The following GRK5 variants were observed in gnomAD, a reference collection of about 807,000 sequenced individuals.
The protein encoded by GRK5 is G protein-coupled receptor kinase 5.
Under a neutral mutation model 78.4 loss-of-function variants are expected in GRK5, and 40 were observed. The ratio of observed to expected loss-of-function variants is 0.51; its 90% CI spans 0.40 to 0.66. GRK5 has a LOEUF of 0.66. Ranked by LOEUF, GRK5 falls within the 30% of genes least tolerant of loss-of-function variation. The pLI is 0.00. For missense variants in GRK5, 598 were observed against 759.9 expected (o/e 0.79, Z 2.50); for synonymous variants, 289 against 296.8 (o/e 0.97, Z 0.27).
At chr10:119,331,832 G>T (rs1589749249) in intron 2 of GRK5, among the ~76,000 whole-genome samples, 1 of 152,188 alleles carries the variant, frequency 6.6e-6, no homozygotes, top group Non-Finnish European at 1.5e-5. Flanking sequence ...TCATTCTCCT[G>T]CTGAAACCAA....
At chr10:119,311,838 T>C (rs1156798099) in intron 1 of GRK5, among the ~76,000 whole-genome samples, 1 of 151,638 alleles carries the variant, frequency 6.6e-6, no homozygotes, top group Non-Finnish European at 1.5e-5. Flanking sequence ...GACAGAAATG[T>C]TTTAAATGTT....
intron 2 of GRK5, among the ~76,000 whole-genome samples, chr10:119,366,048 C>G (rs1003346039): frequency 3.3e-5 from 5 of 152,228 alleles, no homozygotes; most frequent in African/African-American, 1.2e-4. Context: ...CCTGACTGCT[C>G]CAAGTCGGGT....
At chr10:119,429,103 C>T (rs1009082039) in intron 6 of GRK5, among the ~76,000 whole-genome samples, 49 of 152,304 alleles carry the variant, frequency 3.2e-4, no homozygotes, top group Admixed American at 1.3e-4. Context: ...TGCAGAAGAG[C>T]GGGATACCCG....
intron 1 of GRK5, among the ~76,000 whole-genome samples, chr10:119,301,219 A>C (rs745976708): frequency 6.6e-6 from 1 of 152,286 alleles, no homozygotes. Flanking sequence ...TCTACACCCC[A>C]GGACCCTCCG....
At chr10:119,295,064 C>T (rs561220089) in intron 1 of GRK5, among the ~76,000 whole-genome samples, 45 of 152,080 alleles carry the variant, frequency 3.0e-4, no homozygotes, top group South Asian at 2.1e-3. Flanking sequence ...GTGGCATGCA[C>T]CTGTAGTCCC....
At chr10:119,260,884 C>G (rs1443785941) in intron 1 of GRK5, among the ~76,000 whole-genome samples, 1 of 152,126 alleles carries the variant, frequency 6.6e-6, no homozygotes. Flanking sequence ...ACAAAACCGC[C>G]ATTGTCATCA....
intron 10 of GRK5, among the ~76,000 whole-genome samples, chr10:119,441,347 G>A (rs1171926024): frequency 1.3e-5 from 2 of 152,206 alleles, no homozygotes; most frequent in African/African-American, 4.8e-5. Flanking sequence ...AAGGGGACGT[G>A]TTCCTTCCTG....
intron 2 of GRK5, among the ~76,000 whole-genome samples, chr10:119,358,222 C>T (rs900642384): frequency 1.2e-4 from 19 of 152,138 alleles, no homozygotes; most frequent in South Asian, 4.1e-4. Context: ...GGGGTGTCCA[C>T]GCAGCATGCA....
At chr10:119,288,442 C>T (rs1849895536) in intron 1 of GRK5, among the ~76,000 whole-genome samples, 1 of 152,196 alleles carries the variant, frequency 6.6e-6, no homozygotes, top group Non-Finnish European at 1.5e-5. Context: ...TAGGTATCGA[C>T]TGGGTGGCCT....
intron 13 of GRK5, among the ~76,000 whole-genome samples, chr10:119,451,907 A>T (rs1853294518): frequency 6.6e-6 from 1 of 152,180 alleles, no homozygotes. Context: ...CCAGTGACAG[A>T]TGTGTCACCA....
chr10:119,262,658 T>A (rs1329190494), intron 1 of GRK5, among the ~76,000 whole-genome samples: 1 of 152,098 alleles, frequency 6.6e-6, no homozygotes, highest in African/African-American at 2.4e-5. Context: ...GGTTTTAATA[T>A]TATTTTGCCT....
rs543117191 is a variant in GRK5 at position 119,313,570 on chromosome 10, T to C, written c.53-12946T>C. On this transcript the variant is annotated intron_variant, in intron 1 of 15. Transcript: ENST00000392870. ...AGCAGTGCAGTGACACCCGCTTACA[T>C]TGCAGTGAAGATGTCATGAGGCAGT... is the stretch of plus-strand genomic sequence containing the variant. Among the ~76,000 whole-genome samples, 23 of 152,214 alleles carry C rather than the reference T, an allele frequency of 1.5e-4. No homozygotes were observed. In the South Asian group the frequency reaches 2.7e-3, roughly 18 times the overall value.
At chr10:119,296,683 A>G (rs767684817) in intron 1 of GRK5, among the ~76,000 whole-genome samples, 8 of 152,196 alleles carry the variant, frequency 5.3e-5, no homozygotes, top group Non-Finnish European at 8.8e-5. Context: ...AGCGTCTCTC[A>G]TGGCTTTGGC....
chr10:119,290,373 A>G, intron 1 of GRK5, among the ~76,000 whole-genome samples: 1 of 140,492 alleles, frequency 7.1e-6, no homozygotes, highest in African/African-American at 2.7e-5. Flanking sequence ...ACAAAAAACA[A>G]CTCTGTCCCC....
At chr10:119,433,601 C>T (rs745988758) in intron 8 of GRK5, among the ~76,000 whole-genome samples, 1 of 152,212 alleles carries the variant, frequency 6.6e-6, no homozygotes, top group African/African-American at 2.4e-5. Context: ...GCTTGCTCAT[C>T]CTTGGCTGCC....
rs1852788556 is a variant in GRK5, at chr10:119,430,264, T to G, written c.534-111T>G. On this transcript the variant is annotated intron_variant, in intron 6 of 15. Transcript: ENST00000392870. This position sits in a 1 kb window ranked among gnomAD's most constrained non-coding sequence, Gnocchi z 4.5. ...TCCTGGGGGGTCCCTGGGGCTGCTG[T>G]GGGGCTCCTGGAATTATACCCCACC... 1 of 908,136 alleles carries G rather than the reference T, an allele frequency of 1.1e-6. No homozygotes were observed. The highest frequency in any genetic ancestry group is 1.8e-6 in the Non-Finnish European group (1 of 551,196). The allele number at this position is 908,136 out of a possible 1,614,324, so 56.3% of individuals were successfully genotyped here.
chr10:119,235,923 C>T (rs770349248), intron 1 of GRK5, among the ~76,000 whole-genome samples: 2 of 152,174 alleles, frequency 1.3e-5, no homozygotes, highest in African/African-American at 4.8e-5. Flanking sequence ...TGGAGGTTTA[C>T]AGCCAAGTTC....
intron 2 of GRK5, among the ~76,000 whole-genome samples, chr10:119,330,955 A>C (rs1470208467): frequency 6.6e-6 from 1 of 152,024 alleles, no homozygotes; most frequent in African/African-American, 2.4e-5. Context: ...TGGGAGGCGG[A>C]GGTTGATTTC....
chr10:119,306,710 G>A (rs1850276440), intron 1 of GRK5, among the ~76,000 whole-genome samples: 1 of 152,144 alleles, frequency 6.6e-6, no homozygotes. Context: ...CCTGGTGGGT[G>A]GGGTGTGAGG....
Sources: allele counts gnomAD v4.1 joint callset (sites outside exome capture counted in the v4.1 genomes callset), GRCh38; gene constraint gnomAD v4.1.1; non-coding constraint Gnocchi (gnomAD v3.1); transcripts MANE v1.5; gene names NCBI Gene and HGNC (gene_info 2026-07-23, HGNC 2026-07-21).